Variants in SIK3 observed in about 807,000 individuals in gnomAD.
SIK3 encodes serine/threonine-protein kinase SIK3.
In SIK3, 28 loss-of-function variants were observed where a neutral mutation model predicts 144.2. The observed-to-expected ratio is 0.19, with a 90% CI of 0.14 to 0.27. The LOEUF (loss-of-function observed/expected upper bound fraction) is 0.27, where lower values mean the gene tolerates loss of function less well. SIK3 is among the 10% of genes least tolerant of loss of function. SIK3 has a pLI of 1.00. For missense variants in SIK3, 1,319 were observed against 1,776.0 expected (o/e 0.74, Z 4.62); for synonymous variants, 686 against 676.3 (o/e 1.01, Z -0.22).
At chr11:117,065,031 C>T (rs558761108) in intron 1 of SIK3, among the ~76,000 whole-genome samples, 9 of 152,160 alleles carry the variant, frequency 5.9e-5, no homozygotes, top group African/African-American at 1.4e-4. Context: ...CGCCTGTAGT[C>T]CCAGCTACTC....
intron 1 of SIK3, chr11:117,015,929 T>C (rs1378575585): frequency 6.6e-6 from 1 of 152,114 alleles, no homozygotes; most frequent in Non-Finnish European, 1.5e-5. Context: ...TATCAGAACT[T>C]ATTAACTTTA....
At chr11:117,013,959 C>CTTTTTTTTTTTTTTTT (rs1232857124) in intron 1 of SIK3, among the ~76,000 whole-genome samples, 2 of 8,254 alleles carry the variant, frequency 2.4e-4, no homozygotes, top group Non-Finnish European at 5.9e-4. Context: ...TGTTTTATTT[C>CTTTTTTTTTTTTTTTT]TTTTTTTCTT....
chr11:116,939,780 A>C (rs1948182420), intron 3 of SIK3, among the ~76,000 whole-genome samples: 1 of 152,242 alleles, frequency 6.6e-6, no homozygotes, highest in Non-Finnish European at 1.5e-5. Flanking sequence ...AATGTAGGAC[A>C]TTTTTTAAGA....
chr11:116,894,823 G>T (rs1945308917), intron 6 of SIK3, among the ~76,000 whole-genome samples: 1 of 152,084 alleles, frequency 6.6e-6, no homozygotes, highest in Non-Finnish European at 1.5e-5. Flanking sequence ...CCCCAGACTG[G>T]GAACCAGCCA....
intron 4 of SIK3, among the ~76,000 whole-genome samples, chr11:116,924,762 C>A (rs548624116): frequency 6.6e-6 from 1 of 152,228 alleles, no homozygotes; most frequent in Non-Finnish European, 1.5e-5. Flanking sequence ...TTGGTGGGGG[C>A]TGGGGGTGTC....
intron 3 of SIK3, among the ~76,000 whole-genome samples, chr11:116,941,350 G>GA (rs1305325184): frequency 6.6e-6 from 1 of 151,184 alleles, no homozygotes; most frequent in Non-Finnish European, 1.5e-5. Flanking sequence ...AAACTAGTGG[G>GA]AAAATGGTAG....
At chr11:117,018,823 T>A (rs1408444949) in intron 1 of SIK3, among the ~76,000 whole-genome samples, 1 of 152,074 alleles carries the variant, frequency 6.6e-6, no homozygotes, top group Non-Finnish European at 1.5e-5. Context: ...GTGATTCTCC[T>A]GCCTCAGCCT....
At chr11:116,889,120 T>C (rs982864650) in intron 6 of SIK3, among the ~76,000 whole-genome samples, 19 of 152,270 alleles carry the variant, frequency 1.2e-4, no homozygotes, top group African/African-American at 4.3e-4. Context: ...ATTTGAATAC[T>C]GACCTAGTTA....
intron 1 of SIK3, among the ~76,000 whole-genome samples, chr11:116,972,728 A>C (rs1269219618): frequency 6.6e-6 from 1 of 152,156 alleles, no homozygotes; most frequent in African/African-American, 2.4e-5. Context: ...AATTAAAAAT[A>C]AAAATAAAAG....
intron 1 of SIK3, among the ~76,000 whole-genome samples, chr11:117,062,355 T>C (rs1359177072): frequency 6.6e-6 from 1 of 152,188 alleles, no homozygotes; most frequent in Non-Finnish European, 1.5e-5. Flanking sequence ...TTCCTAAGAA[T>C]TCTTAAAGTA....
At chr11:116,944,207 AGGCCT>A (rs1211158862) in intron 3 of SIK3, among the ~76,000 whole-genome samples, 1 of 152,168 alleles carries the variant, frequency 6.6e-6, no homozygotes, top group Admixed American at 6.5e-5. Context: ...CCCAAAGAGA[AGGCCT>A]GGCCTTCCCT....
chr11:116,928,131 T>C (rs572318353), intron 3 of SIK3, among the ~76,000 whole-genome samples: 3 of 152,370 alleles, frequency 2.0e-5, no homozygotes, highest in African/African-American at 7.2e-5. Flanking sequence ...AATTTACATG[T>C]GATAAAATCA....
At chr11:116,913,258 C>G (rs1253455948) in intron 4 of SIK3, among the ~76,000 whole-genome samples, 2 of 151,878 alleles carry the variant, frequency 1.3e-5, no homozygotes, top group African/African-American at 4.8e-5. Flanking sequence ...TGACTCACAG[C>G]CTTAGCATAT....
At chr11:117,088,964 G>A (rs767804844) in intron 1 of SIK3, among the ~76,000 whole-genome samples, 2 of 152,060 alleles carry the variant, frequency 1.3e-5, no homozygotes, top group Non-Finnish European at 2.9e-5. Flanking sequence ...TTACAGGCGT[G>A]AACCACTGCA....
At chr11:116,929,352 C>T (rs530008200) in intron 3 of SIK3, among the ~76,000 whole-genome samples, 179 of 152,220 alleles carry the variant, frequency 1.2e-3, no homozygotes, top group Admixed American at 3.1e-3. Context: ...GCCAAGCTAC[C>T]CATTAATTAA....
chr11:116,970,304 A>G (rs956054732), intron 1 of SIK3, among the ~76,000 whole-genome samples: 4 of 152,288 alleles, frequency 2.6e-5, no homozygotes, highest in Admixed American at 6.5e-5. Context: ...AGAGTTATCA[A>G]GATAAGGTTC....
At chr11:117,061,133 G>A (rs1953772612) in intron 1 of SIK3, among the ~76,000 whole-genome samples, 1 of 152,152 alleles carries the variant, frequency 6.6e-6, no homozygotes, top group Non-Finnish European at 1.5e-5. Flanking sequence ...GGTAGTCCCA[G>A]CTACTCAGGA....
chr11:116,924,869 CTTACAGTGACATCT>C (rs1486957922), intron 4 of SIK3, among the ~76,000 whole-genome samples: 1 of 152,184 alleles, frequency 6.6e-6, no homozygotes, highest in Non-Finnish European at 1.5e-5. Flanking sequence ...TCCAAAGAGC[CTTACAGTGACATCT>C]GTGGCATGTT....
chr11:116,858,021 C>G lies in SIK3; in HGVS notation c.3444G>C (p.Ser1148=), dbSNP rs151294148. 3.1e-6 allele frequency: 5 copies of G among 1,613,946 alleles called. No individual in the cohort carries two copies. Among genetic ancestry groups the G allele is most frequent in the Admixed American group, 3.3e-5 (2 of 60,012 alleles). The change falls in exon 21 of 25, where the codon TCG becomes TCC. Residue 1148 remains serine, a synonymous_variant. Transcript: ENST00000445177. This position sits in a 1 kb window ranked among gnomAD's most constrained non-coding sequence, Gnocchi z 5.4. Reference sequence around the variant, plus strand: ...GGAAGCCATCCTTGGCCCCCTCACACGAGCAGTCCTCCTCCATGCTCTCTG... The same window carrying G: ...GGAAGCCATCCTTGGCCCCCTCACAGGAGCAGTCCTCCTCCATGCTCTCTG... The part of the protein sequence containing the change: ...MHSESMEEDC[S]CEGAKDGFQD...
Sources: allele counts gnomAD v4.1 joint callset (sites outside exome capture counted in the v4.1 genomes callset), GRCh38; gene constraint gnomAD v4.1.1; non-coding constraint Gnocchi (gnomAD v3.1); transcripts MANE v1.5; gene names NCBI Gene and HGNC (gene_info 2026-07-23, HGNC 2026-07-21).